RECK: variants seen among roughly 807,000 people sequenced by gnomAD.
RECK encodes reversion inducing cysteine rich protein with kazal motifs, also known as reversion-inducing cysteine-rich protein with Kazal motifs.
RECK carries 69 observed loss-of-function variants against 115.1 expected under a neutral mutation model. That is an observed-to-expected ratio of 0.60 (90% CI 0.49 to 0.73). The LOEUF is 0.73. Among genes scored for constraint, RECK ranks in the 30% least tolerant of loss-of-function variants. RECK has a pLI of 0.00. For missense variants in RECK, 1,047 were observed against 1,203.7 expected, an observed-to-expected ratio of 0.87 and a Z score of 1.93; for synonymous variants, 414 against 419.7, an observed-to-expected ratio of 0.99 and a Z score of 0.17.
In RECK at chr9:36,037,078, G is replaced by T. The variant is rs1056870646; in HGVS notation, c.80G>T (p.Gly27Val). ...AVAGVAEVAG[G>V]LAPGSAGALC... ...GCGGGGGTCGCGGAGGTGGCAGGGG[G>T]CCTGGCTCCGGGCAGTGCGGGTGAG... Residue 27 changes from glycine (G) to valine (V), a missense_variant, in exon 1 of 21, where the codon GGC becomes GTC. Gly to Val is a moderately radical substitution (Grantham distance 109). Transcript: ENST00000377966. The T allele has an allele frequency of 2.0e-5, 28 of 1,377,994 alleles. No homozygotes were observed. Among genetic ancestry groups the T allele is most frequent in the Non-Finnish European group, 2.0e-5 (21 of 1,061,170 alleles). The allele number at this position is 1,377,994 out of a possible 1,614,324, so 85.4% of individuals were successfully genotyped here.
chr9:36,058,215 C>T lies in RECK; in HGVS notation c.160-612C>T, dbSNP rs541642804. On this transcript the variant is annotated intron_variant, in intron 2 of 20. Coordinates refer to ENST00000377966, the MANE Select transcript of RECK (RefSeq NM_021111.3). ...AGATACATGCACACTATGTTTTTTG[C>T]GGCATTATTCACAATAGCAAAGACT... is the stretch of plus-strand genomic sequence containing the variant. Among the ~76,000 whole-genome samples, 84 of 152,070 alleles carry T rather than the reference C, an allele frequency of 5.5e-4. 2 individuals carry two copies. In the South Asian group the frequency reaches 0.013, roughly 23 times the overall value.
chr9:36,109,761 C>G (rs926095604), intron 14 of RECK, among the ~76,000 whole-genome samples, 196 bp from the exon 15 acceptor site: 10 of 151,934 alleles, frequency 6.6e-5, no homozygotes, highest in African/African-American at 1.9e-4. Context: ...GGAGGATCAC[C>G]TGAGCCCGGG....
Position 36,107,998 on chromosome 9 carries a change from T to G in RECK, c.1599T>G (p.Ser533=). Residue 533 remains serine, a synonymous_variant, in exon 14 of 21, where the codon TCT becomes TCG. Coordinates refer to ENST00000377966, the MANE Select transcript of RECK (RefSeq NM_021111.3). The stretch of plus-strand genomic sequence containing the variant: ...CAGGTTGCAAACTGGGAGAAGCTTC[T>G]GATTTCATTGTCCGTCAAGGGACAC... ...CVQGCKLGEA[S]DFIVRQGTLI... is the part of the protein sequence containing the mutation. 6.2e-7 allele frequency: 1 copy of G among 1,612,472 alleles called. No homozygotes were observed. Among genetic ancestry groups the G allele is most frequent in the Non-Finnish European group, 8.5e-7 (1 of 1,179,414 alleles).
chr9:36,067,036 A>G (rs910811886), intron 6 of RECK, among the ~76,000 whole-genome samples: 2 of 152,210 alleles, frequency 1.3e-5, no homozygotes, highest in Admixed American at 6.5e-5. Context: ...AAATTCTTCA[A>G]TATAAGACTC....
At chr9:36,102,481 C>T (rs1281131217) in intron 12 of RECK, among the ~76,000 whole-genome samples, 1 of 152,154 alleles carries the variant, frequency 6.6e-6, no homozygotes, top group East Asian at 1.9e-4. Context: ...GAATTCTAAG[C>T]AGTGACTCAG....
intron 10 of RECK, among the ~76,000 whole-genome samples, chr9:36,097,676 A>AG (rs1458753736): frequency 6.6e-6 from 1 of 152,206 alleles, no homozygotes; most frequent in Non-Finnish European, 1.5e-5. Flanking sequence ...TTCCACTACT[A>AG]GGTACATATC....
chr9:36,080,347 C>G (rs538156281), intron 6 of RECK, among the ~76,000 whole-genome samples: 23 of 152,338 alleles, frequency 1.5e-4, no homozygotes, highest in African/African-American at 5.5e-4. Context: ...CACACACTTA[C>G]AGCTTTACAT....
intron 9 of RECK, among the ~76,000 whole-genome samples, 170 bp from the exon 10 acceptor site, chr9:36,090,994 A>C (rs1381721426): frequency 1.3e-5 from 2 of 152,258 alleles, no homozygotes; most frequent in Non-Finnish European, 2.9e-5. Context: ...TTCCATGGAA[A>C]ACAATCAACT....
chr9:36,037,090 G>T lies in RECK; in HGVS notation c.92G>T (p.Gly31Val). Reference sequence around the variant, plus strand: ...GAGGTGGCAGGGGGCCTGGCTCCGGGCAGTGCGGGTGAGTAACCTCCAGAG... The same window carrying T: ...GAGGTGGCAGGGGGCCTGGCTCCGGTCAGTGCGGGTGAGTAACCTCCAGAG... ...VAEVAGGLAP[G>V]SAGALCCNHS... The change falls in exon 1 of 21, where the codon GGC (glycine) becomes GTC (valine). Residue 31 changes from glycine to valine, a missense_variant. Gly to Val is a moderately radical substitution (Grantham distance 109). Coordinates refer to ENST00000377966, the MANE Select transcript of RECK (RefSeq NM_021111.3). 7.4e-7 allele frequency: 1 copy of T among 1,358,346 alleles called. No homozygotes were observed. Among genetic ancestry groups the T allele is most frequent in the South Asian group, 1.8e-5 (1 of 56,508 alleles). The allele number at this position is 1,358,346 out of a possible 1,614,324, so 84.1% of individuals were successfully genotyped here.
chr9:36,055,319 A>T (rs1275171780), intron 2 of RECK, among the ~76,000 whole-genome samples: 52 of 152,168 alleles, frequency 3.4e-4, no homozygotes, highest in Admixed American at 3.4e-3. Context: ...GTATGTGTTT[A>T]TCAGTTTAAT....
intron 10 of RECK, among the ~76,000 whole-genome samples, chr9:36,093,710 C>T (rs1302513024): frequency 6.6e-6 from 1 of 152,080 alleles, no homozygotes; most frequent in Non-Finnish European, 1.5e-5. Flanking sequence ...GAAATTTTTC[C>T]AAATGTGATC....
chr9:36,103,010 C>T (rs1182297848), intron 12 of RECK, among the ~76,000 whole-genome samples: 1 of 151,902 alleles, frequency 6.6e-6, no homozygotes, highest in Non-Finnish European at 1.5e-5. Context: ...GAACTTATCT[C>T]ACTGCTTCAG....
At position 36,109,954 on chromosome 9, in the gene RECK, C is replaced by G. The variant is rs1249391167; in HGVS notation, c.1766-3C>G. ...ATCAACATTTTCTTTCTGTTTCTGTCAGGTCATGGAACATCCTTTAGTATT... is the reference window on the plus strand; with the variant it reads ...ATCAACATTTTCTTTCTGTTTCTGTGAGGTCATGGAACATCCTTTAGTATT... On this transcript the variant is annotated splice_region_variant and splice_polypyrimidine_tract_variant and intron_variant, in intron 14 of 20. Coordinates refer to ENST00000377966, the MANE Select transcript of RECK (RefSeq NM_021111.3). The G allele has an allele frequency of 2.5e-6, 4 of 1,607,180 alleles. No homozygotes were observed. The Admixed American group carries it at 6.7e-5, about 27-fold the overall frequency.
In RECK at chr9:36,112,343, T is replaced by A; in HGVS notation, c.1927T>A (p.Cys643Ser). 1.2e-6 allele frequency: 2 copies of A among 1,613,598 alleles called. No homozygotes were observed. The highest frequency in any genetic ancestry group is 3.5e-4 in the Middle Eastern group (2 of 5,678). The change falls in exon 16 of 21, where the codon TGT (cysteine) becomes AGT (serine). Residue 643 changes from cysteine (C) to serine (S), a missense_variant. By Grantham distance (112) the Cys-to-Ser change is moderately radical. Transcript: ENST00000377966. The stretch of plus-strand genomic sequence containing the variant: ...CTGTGCAGATCAGTTTGTCCCTGTA[T>A]GTGGGCAGAATGGGCGCACTTACCC... ...CNCADQFVPV[C>S]GQNGRTYPSA...
At chr9:36,115,903 T>C (rs977687120) in intron 16 of RECK, among the ~76,000 whole-genome samples, 1 of 152,150 alleles carries the variant, frequency 6.6e-6, no homozygotes, top group Admixed American at 6.6e-5. Flanking sequence ...GTAAACCCTT[T>C]ATAAAAATTA....
intron 10 of RECK, among the ~76,000 whole-genome samples, chr9:36,092,048 A>C (rs1322466257): frequency 6.6e-6 from 1 of 152,258 alleles, no homozygotes; most frequent in Non-Finnish European, 1.5e-5. Context: ...TATTTTTGTC[A>C]GATGGTGTTT....
At position 36,037,063 on chromosome 9, in the gene RECK, C is replaced by T; in HGVS notation, c.65C>T (p.Ala22Val). 1.4e-6 allele frequency: 2 copies of T among 1,387,822 alleles called. No homozygotes were observed. Among genetic ancestry groups the T allele is most frequent in the South Asian group, 1.6e-5 (1 of 62,982 alleles). 86.0% of individuals were successfully genotyped at this position (1,387,822 alleles called of 1,614,324 possible). ...LLLLLAVAGV[A>V]EVAGGLAPGS... ...CTTCTGCTGGCCGTGGCGGGGGTCG[C>T]GGAGGTGGCAGGGGGCCTGGCTCCG... Residue 22 changes from alanine to valine, a missense_variant, in exon 1 of 21, where the codon GCG becomes GTG. Transcript: ENST00000377966.
At chr9:36,052,403 TG>T in intron 2 of RECK, 80 bp downstream of exon 2, 1 of 1,025,796 alleles carries the variant, frequency 9.7e-7, no homozygotes. Context: ...GAGGCCAGGG[TG>T]GGAGGATTGC....
chr9:36,052,241 T>A lies in RECK; in HGVS notation c.101-24T>A, dbSNP rs778887487. 6 of 1,505,152 alleles carry A rather than the reference T, an allele frequency of 4.0e-6. No homozygotes were observed. In the Admixed American group the frequency reaches 1.0e-4, roughly 25 times the overall value. The allele number at this position is 1,505,152 out of a possible 1,614,324, so 93.2% of individuals were successfully genotyped here. ...ATCTTGTTTAACAGTGGAACAACATTTGATGTTTATTTTTTCTCCCTAGGT... is the reference window on the plus strand; with the variant it reads ...ATCTTGTTTAACAGTGGAACAACATATGATGTTTATTTTTTCTCCCTAGGT... On this transcript the variant is annotated intron_variant, in intron 1 of 20. Coordinates refer to ENST00000377966, the MANE Select transcript of RECK (RefSeq NM_021111.3).
Sources: allele counts gnomAD v4.1 joint callset (sites outside exome capture counted in the v4.1 genomes callset), GRCh38; gene constraint gnomAD v4.1.1; transcripts MANE v1.5; gene names NCBI Gene and HGNC (gene_info 2026-07-23, HGNC 2026-07-21).